GALNT13: variants seen among roughly 807,000 people sequenced by gnomAD.
GALNT13 encodes the protein UDP-GalNAc:polypeptide N-acetylgalactosaminyltransferase 13.
Under a neutral mutation model 64.2 loss-of-function variants are expected in GALNT13, and 28 were observed. The observed-to-expected ratio is 0.44, with a 90% CI of 0.32 to 0.60. The LOEUF (loss-of-function observed/expected upper bound fraction) is 0.60. GALNT13 is among the 20% of genes least tolerant of loss of function. The pLI, the probability that GALNT13 is intolerant of heterozygous loss-of-function variation, is 0.05. For missense variants in GALNT13, 577 were observed against 669.8 expected (o/e 0.86, Z 1.53); for synonymous variants, 214 against 224.6 (o/e 0.95, Z 0.42).
chr2:154,301,508 C>T lies in GALNT13; in HGVS notation c.1075C>T (p.His359Tyr). The T allele has an allele frequency of 6.2e-7, 1 of 1,613,474 alleles. No individual in the cohort carries two copies. The highest frequency in any genetic ancestry group is 8.5e-7 in the Non-Finnish European group (1 of 1,179,506). ...TPYTFPGGTGHVINKNNRRLA... is the reference protein window; with the variant it reads ...TPYTFPGGTGYVINKNNRRLA... ...ATACACTTTTCCTGGTGGCACTGGT[C>T]ATGTCATCAACAAGAACAACAGGAG... Residue 359 changes from histidine (H) to tyrosine (Y), a missense_variant, in exon 9 of 13, where the codon CAT (histidine) becomes TAT (tyrosine). By Grantham distance (83) the His-to-Tyr change is moderately conservative. Around this residue, in one of 3 missense-constraint regions of GALNT13, gnomAD observed 232 missense variants for 270.6 expected, o/e 0.86. Coordinates refer to ENST00000392825, the MANE Select transcript of GALNT13 (RefSeq NM_052917.4).
the GALNT13 span, among the ~76,000 whole-genome samples, chr2:153,491,368 T>A: frequency 6.6e-6 from 1 of 152,046 alleles, no homozygotes; most frequent in South Asian, 2.1e-4. Flanking sequence ...CATTCCTGGA[T>A]AAAATACTTA....
chr2:153,551,337 C>T, the GALNT13 span, among the ~76,000 whole-genome samples: 1 of 152,102 alleles, frequency 6.6e-6, no homozygotes, highest in African/African-American at 2.4e-5. Context: ...ACCAATAGAG[C>T]ATTTGGAGCT....
At chr2:154,285,781 A>C (rs1004925017) in intron 8 of GALNT13, among the ~76,000 whole-genome samples, 1 of 152,178 alleles carries the variant, frequency 6.6e-6, no homozygotes, top group African/African-American at 2.4e-5. Context: ...TAGGTTTTGC[A>C]TGGAATCTGT....
the GALNT13 span, among the ~76,000 whole-genome samples, chr2:153,840,913 T>G: frequency 6.6e-6 from 1 of 152,142 alleles, no homozygotes; most frequent in African/African-American, 2.4e-5. Context: ...TCAGCACATA[T>G]TCTAATCAGG....
intron 4 of GALNT13, among the ~76,000 whole-genome samples, chr2:154,183,189 A>G (rs1686057831): frequency 6.6e-6 from 1 of 152,178 alleles, no homozygotes; most frequent in Admixed American, 6.6e-5. Context: ...TAAATACCAA[A>G]TCAATGTTTT....
At chr2:153,810,081 C>T in the GALNT13 span, among the ~76,000 whole-genome samples, 1 of 152,166 alleles carries the variant, frequency 6.6e-6, no homozygotes, top group African/African-American at 2.4e-5. Flanking sequence ...CTGCCTCAGC[C>T]TCTCGAGTAG....
intron 9 of GALNT13, among the ~76,000 whole-genome samples, chr2:154,321,982 T>C (rs1294375751): frequency 6.6e-6 from 1 of 151,898 alleles, no homozygotes; most frequent in African/African-American, 2.4e-5. Context: ...TTCCTAGGTA[T>C]ATACATATTT....
chr2:154,437,505 C>T, intron 11 of GALNT13: 1 of 1,259,786 alleles, frequency 7.9e-7, no homozygotes, highest in Non-Finnish European at 1.0e-6. Context: ...CCACAGAATA[C>T]TGAACAATGC....
At chr2:153,416,558 T>G in the GALNT13 span, among the ~76,000 whole-genome samples, 1 of 152,224 alleles carries the variant, frequency 6.6e-6, no homozygotes, top group African/African-American at 2.4e-5. Flanking sequence ...GCATTCAACT[T>G]TTGTCTATCA....
At chr2:153,375,994 C>T in the GALNT13 span, among the ~76,000 whole-genome samples, 1 of 152,010 alleles carries the variant, frequency 6.6e-6, no homozygotes, top group African/African-American at 2.4e-5. Flanking sequence ...GCTCTTTTTA[C>T]AACCAGCTGT....
At chr2:154,102,464 A>G (rs1212087650) in intron 3 of GALNT13, among the ~76,000 whole-genome samples, 1 of 152,156 alleles carries the variant, frequency 6.6e-6, no homozygotes, top group African/African-American at 2.4e-5. Context: ...AAACCAGTGC[A>G]CTAAACATGA....
intron 3 of GALNT13, among the ~76,000 whole-genome samples, chr2:154,097,838 A>C (rs1252194517): frequency 6.6e-6 from 1 of 152,116 alleles, no homozygotes; most frequent in African/African-American, 2.4e-5. Flanking sequence ...AACCCCAGTA[A>C]ATTTTTTCAT....
the GALNT13 span, among the ~76,000 whole-genome samples, chr2:153,665,901 A>C: frequency 0.17 from 26,132 of 152,160 alleles, 2,788 homozygotes; most frequent in Non-Finnish European, 0.23. Flanking sequence ...GGTTTGGTGC[A>C]GGCGTGGCTG....
intron 3 of GALNT13, among the ~76,000 whole-genome samples, chr2:154,131,855 G>C (rs976282329): frequency 6.6e-6 from 1 of 152,194 alleles, no homozygotes; most frequent in Non-Finnish European, 1.5e-5. Flanking sequence ...AGCCAACAGT[G>C]CAGCCTTCAG....
chr2:153,495,105 T>C, the GALNT13 span, among the ~76,000 whole-genome samples: 1 of 152,170 alleles, frequency 6.6e-6, no homozygotes, highest in African/African-American at 2.4e-5. Flanking sequence ...TTTCTTTTTT[T>C]TCCCTTTTAT....
the GALNT13 span, among the ~76,000 whole-genome samples, chr2:153,280,553 T>C: frequency 6.6e-6 from 1 of 152,174 alleles, no homozygotes; most frequent in East Asian, 1.9e-4. Flanking sequence ...CCAGAGATTT[T>C]GGTATGTCAT....
intron 8 of GALNT13, among the ~76,000 whole-genome samples, chr2:154,269,910 A>G (rs1050910651): frequency 2.2e-5 from 3 of 137,042 alleles, no homozygotes; most frequent in Non-Finnish European, 4.8e-5. Context: ...ATATGTGTAT[A>G]TATATATATA....
chr2:153,869,053 C>T (rs990406967), upstream of GALNT13, among the ~76,000 whole-genome samples: 6 of 152,008 alleles, frequency 3.9e-5, no homozygotes, highest in African/African-American at 1.5e-4. Flanking sequence ...CAAAATTTAC[C>T]AATGGTGTTA....
the GALNT13 span, among the ~76,000 whole-genome samples, chr2:153,376,400 G>C: frequency 6.6e-6 from 1 of 152,114 alleles, no homozygotes; most frequent in Non-Finnish European, 1.5e-5. Flanking sequence ...CAAAGAAAGA[G>C]ATCAGGATTT....
Sources: allele counts gnomAD v4.1 joint callset (sites outside exome capture counted in the v4.1 genomes callset), GRCh38; gene constraint gnomAD v4.1.1; regional missense constraint gnomAD v4.1.1; transcripts MANE v1.5; gene names NCBI Gene and HGNC (gene_info 2026-07-23, HGNC 2026-07-21).